Variants in VPS13B observed in about 807,000 individuals in gnomAD.
VPS13B encodes vacuolar protein sorting 13 homolog B, also known as intermembrane lipid transfer protein VPS13B.
A neutral mutation model predicts 426.4 loss-of-function variants in VPS13B; 285 were observed. The ratio of observed to expected loss-of-function variants is 0.67; its 90% CI spans 0.61 to 0.74. The LOEUF (loss-of-function observed/expected upper bound fraction) is 0.74, where lower values mean the gene tolerates loss of function less well. Ranked by LOEUF, VPS13B falls within the 30% of genes least tolerant of loss-of-function variation. VPS13B has a pLI of 0.00. For missense variants in VPS13B, 4,537 were observed against 4,782.6 expected, an observed-to-expected ratio of 0.95 and a Z score of 1.51; for synonymous variants, 1,676 against 1,676.4, an observed-to-expected ratio of 1.00 and a Z score of 0.01.
At chr8:99,410,731 G>A (rs1016898739) in intron 21 of VPS13B, among the ~76,000 whole-genome samples, 1 of 151,830 alleles carries the variant, frequency 6.6e-6, no homozygotes, top group African/African-American at 2.4e-5. Context: ...ACCCCACGAT[G>A]GGGGCCAGTG....
chr8:99,717,523 G>A, intron 37 of VPS13B, 150 bp downstream of exon 37: 1 of 753,954 alleles, frequency 1.3e-6, no homozygotes, highest in Non-Finnish European at 2.3e-6. Flanking sequence ...ACTTTATTGA[G>A]ATATAAGTCA....
chr8:99,240,501 G>A (rs1032053032), intron 17 of VPS13B, among the ~76,000 whole-genome samples: 3 of 152,016 alleles, frequency 2.0e-5, no homozygotes, highest in Middle Eastern at 3.2e-3. Context: ...TGAATAAAAG[G>A]GATTATAAGT....
In VPS13B at chr8:99,391,692, A is replaced by G. The variant is rs775278199; in HGVS notation, c.3070A>G (p.Lys1024Glu). The G allele has an allele frequency of 1.2e-6, 2 of 1,614,066 alleles. No homozygotes were observed. The highest frequency in any genetic ancestry group is 1.3e-5 in the African/African-American group (1 of 75,044). The change falls in exon 21 of 62, where the codon AAA (lysine) becomes GAA (glutamate). Residue 1024 changes from lysine (K) to glutamate (E), a missense_variant. By Grantham distance (56) the Lys-to-Glu change is moderately conservative (BLOSUM62 1). Coordinates refer to ENST00000357162, the MANE Select transcript of VPS13B (RefSeq NM_152564.5). ...ATATGCCAGCAGCCCTGTAAAAACA[A>G]AAACGGTAACAGGTATGTGTCAAGT... Reference protein sequence around the residue: ...SEYASSPVKTKTVTESRPLSV... With the variant: ...SEYASSPVKTETVTESRPLSV...
chr8:99,646,798 T>C, intron 34 of VPS13B, among the ~76,000 whole-genome samples: 1 of 152,078 alleles, frequency 6.6e-6, no homozygotes, highest in East Asian at 1.9e-4. Context: ...GTTTAAAGAA[T>C]GTGGCGCCTC....
At chr8:99,413,035 C>G (rs1201156848) in intron 21 of VPS13B, among the ~76,000 whole-genome samples, 1 of 151,956 alleles carries the variant, frequency 6.6e-6, no homozygotes, top group East Asian at 1.9e-4. Context: ...TTTGTTGTGT[C>G]TCTGTAGGTT....
At chr8:99,303,990 T>A (rs1175862227) in intron 19 of VPS13B, among the ~76,000 whole-genome samples, 1 of 152,136 alleles carries the variant, frequency 6.6e-6, no homozygotes, top group African/African-American at 2.4e-5. Flanking sequence ...GTAATATCAT[T>A]TATGACAGAT....
chr8:99,419,082 T>C (rs1384555516), intron 21 of VPS13B, among the ~76,000 whole-genome samples: 1 of 152,170 alleles, frequency 6.6e-6, no homozygotes, highest in Non-Finnish European at 1.5e-5. Context: ...TCCCCACGTG[T>C]TGAAGGTGGG....
At chr8:99,619,590 G>C (rs1221995210) in intron 33 of VPS13B, among the ~76,000 whole-genome samples, 1 of 152,124 alleles carries the variant, frequency 6.6e-6, no homozygotes, top group Non-Finnish European at 1.5e-5. Context: ...AATGTAGTCT[G>C]GCCAGGTATG....
At chr8:99,737,104 TTC>T (rs1833866028) in intron 39 of VPS13B, among the ~76,000 whole-genome samples, 1 of 109,164 alleles carries the variant, frequency 9.2e-6, no homozygotes, top group African/African-American at 3.9e-5. Context: ...GAAGATGTCC[TTC>T]TTTTTTTTTT....
At chr8:99,468,720 T>C (rs1819242169) in intron 24 of VPS13B, among the ~76,000 whole-genome samples, 1 of 152,080 alleles carries the variant, frequency 6.6e-6, no homozygotes, top group African/African-American at 2.4e-5. Flanking sequence ...GCAAGACTCT[T>C]TCTCTTAAAA....
intron 17 of VPS13B, among the ~76,000 whole-genome samples, chr8:99,269,543 CAGTTATTTTGGCCTCCTTA>C (rs1334886479): frequency 1.3e-5 from 2 of 152,190 alleles, no homozygotes; most frequent in African/African-American, 4.8e-5. Flanking sequence ...ACAATAACTA[CAGTTATTTTGGCCTCCTTA>C]AGTAACAATA....
At chr8:99,355,362 G>A (rs769393089) in intron 19 of VPS13B, among the ~76,000 whole-genome samples, 9 of 152,184 alleles carry the variant, frequency 5.9e-5, no homozygotes, top group Non-Finnish European at 1.0e-4. Flanking sequence ...GGAGGCCGAG[G>A]CGGGTAGATC....
rs150562979 is a variant in VPS13B at position 99,676,099 on chromosome 8, C to T, written c.6046+14608C>T. On this transcript the variant is annotated intron_variant, in intron 35 of 61. Coordinates refer to ENST00000357162, the MANE Select transcript of VPS13B (RefSeq NM_152564.5). The stretch of plus-strand genomic sequence containing the variant: ...TGCAGTCTGGCTTTGTCTGAGAATG[C>T]CCTTCAACAGTAAGCCTGTCTAGAA... 1.8e-4 allele frequency among the ~76,000 whole-genome samples: 28 copies of T among 152,080 alleles called. No individual in the cohort carries two copies. In the East Asian group the frequency reaches 5.2e-3, roughly 28 times the overall value.
intron 17 of VPS13B, among the ~76,000 whole-genome samples, chr8:99,229,013 A>G (rs577386800): frequency 2.2e-4 from 33 of 152,274 alleles, no homozygotes; most frequent in African/African-American, 6.3e-4. Context: ...CGCTGTTAAA[A>G]ATGGCATTTT....
intron 8 of VPS13B, among the ~76,000 whole-genome samples, chr8:99,127,399 A>G (rs1037153733): frequency 2.0e-5 from 3 of 152,208 alleles, no homozygotes; most frequent in African/African-American, 4.8e-5. Context: ...CTTAACACAT[A>G]CAAACAGAAC....
intron 25 of VPS13B, among the ~76,000 whole-genome samples, chr8:99,492,050 T>C (rs148213568): frequency 1.4e-3 from 216 of 152,318 alleles, no homozygotes; most frequent in African/African-American, 4.9e-3. Flanking sequence ...GGTTTTGGTG[T>C]GGATGTCCTT....
At chr8:99,830,367 G>T (rs1814971947) in intron 51 of VPS13B, among the ~76,000 whole-genome samples, 1 of 152,192 alleles carries the variant, frequency 6.6e-6, no homozygotes, top group South Asian at 2.1e-4. Flanking sequence ...GCTCTTCCCA[G>T]TCCGAACTTT....
chr8:99,159,208 A>G, intron 15 of VPS13B, among the ~76,000 whole-genome samples: 1 of 152,228 alleles, frequency 6.6e-6, no homozygotes, highest in East Asian at 1.9e-4. Context: ...AATTGCTACA[A>G]TCTCATGATA....
intron 19 of VPS13B, chr8:99,341,753 A>T (rs1811262598): frequency 2.3e-5 from 9 of 391,728 alleles, no homozygotes; most frequent in Non-Finnish European, 4.8e-5. Flanking sequence ...CACCAATAAC[A>T]TCAGCAATCT....
Sources: gnomAD v4.1 joint callset for allele counts (sites outside exome capture counted in the v4.1 genomes callset) on GRCh38, gnomAD v4.1.1 for gene constraint, MANE v1.5 for transcripts, NCBI Gene and HGNC (gene_info 2026-07-23, HGNC 2026-07-21) for gene names.